The following CYP17A1 variants were observed in gnomAD, a reference collection of about 807,000 sequenced individuals.
The protein encoded by CYP17A1 is steroid 17-alpha-hydroxylase/17,20 lyase.
In CYP17A1, 27 loss-of-function variants were observed where a neutral mutation model predicts 38.5. That is an observed-to-expected ratio of 0.70 (90% CI 0.52 to 0.97). The LOEUF is 0.97. Among genes scored for constraint, CYP17A1 ranks in the 50% least tolerant of loss-of-function variants. The probability of loss-of-function intolerance (pLI) is 0.00; values close to 1 mark genes in which losing one functional copy is unlikely to be tolerated. For missense variants in CYP17A1, 549 were observed against 645.9 expected (o/e 0.85, Z 1.63); for synonymous variants, 263 against 253.3 (o/e 1.04, Z -0.36).
Position 102,834,077 on chromosome 10 carries a change from T to C in CYP17A1, c.712A>G (p.Ile238Val). The change falls in exon 4 of 8, where the codon ATA (isoleucine) becomes GTA (valine). Residue 238 changes from isoleucine to valine, a missense_variant. Physicochemically the swap from Ile to Val is conservative, Grantham distance 29. Coordinates refer to ENST00000369887, the MANE Select transcript of CYP17A1 (RefSeq NM_000102.4). ...ATTTTATTCAGCAGATCATTTCGTA[T>C]TTTAACATGGCTCTTTAATTTTTCC... ...TLEKLKSHVK[I>V]RNDLLNKILE... The C allele has an allele frequency of 7.4e-7, 1 of 1,343,432 alleles. No homozygotes were observed. The highest frequency in any genetic ancestry group is 1.1e-6 in the Non-Finnish European group (1 of 932,708). The allele number at this position is 1,343,432 out of a possible 1,614,324, so 83.2% of individuals were successfully genotyped here. A position where few individuals can be genotyped will look rare whatever the true frequency, so the allele number is the denominator to read the frequency against.
chr10:102,835,437 C>G (rs768102031), intron 1 of CYP17A1, 45 bp from the exon 2 acceptor site: 1 of 1,544,294 alleles, frequency 6.5e-7, no homozygotes, highest in South Asian at 1.1e-5. Flanking sequence ...ACCATCCACC[C>G]CACTCTTGCC....
rs370424014 is a variant in CYP17A1, at chr10:102,836,294, T to TA, written c.297+770dup. Among the ~76,000 whole-genome samples the TA allele has an allele frequency of 4.5e-3, 682 of 151,730 alleles. 6 individuals carry two copies. The highest frequency in any genetic ancestry group is 0.016 in the African/African-American group (668 of 41,370). ...TAACATGGTGAAACACCATCTCTAC[T>TA]AAAAATACAAAAAATTAGCGGGCAT... On this transcript the variant is annotated intron_variant, in intron 1 of 7. Transcript: ENST00000369887.
At chr10:102,831,015 G>A (rs1318444713) in intron 7 of CYP17A1, 30 bp from the exon 8 acceptor site, 1 of 1,484,574 alleles carries the variant, frequency 6.7e-7, no homozygotes, top group Non-Finnish European at 9.2e-7. Flanking sequence ...TCAGCCAGGG[G>A]TTAGGGCAGG....
rs1201120298 is a variant in CYP17A1 at position 102,835,196 on chromosome 10, C to T, written c.436+58G>A. The T allele has an allele frequency of 4.1e-5, 62 of 1,507,976 alleles. No individual in the cohort carries two copies. The highest frequency in any genetic ancestry group is 5.3e-5 in the Non-Finnish European group (58 of 1,085,600). The allele number at this position is 1,507,976 out of a possible 1,614,324, so 93.4% of individuals were successfully genotyped here. On this transcript the variant is annotated intron_variant, in intron 2 of 7. Coordinates refer to ENST00000369887, the MANE Select transcript of CYP17A1 (RefSeq NM_000102.4). Reference sequence around the variant, plus strand: ...CCTTACCCCTGCCCAACCCTCCTCTCCCTCCAGCAGCTCCTGTGGGATCCA... The same window carrying T: ...CCTTACCCCTGCCCAACCCTCCTCTTCCTCCAGCAGCTCCTGTGGGATCCA...
Position 102,830,700 on chromosome 10 carries a change from CT to C in CYP17A1, c.*1del. On this transcript the variant is annotated 3_prime_UTR_variant, in exon 8 of 8. Coordinates refer to ENST00000369887, the MANE Select transcript of CYP17A1 (RefSeq NM_000102.4). The surrounding 1 kb of genome is among the most constrained non-coding windows in gnomAD (Gnocchi z 4.1). ...GTGGACAGGGGCTGTGAGTTACAGC[CT>C]TTAGGTGCTACCCTCAGCCTGGGCT... The C allele has an allele frequency of 6.4e-7, 1 of 1,563,444 alleles. No homozygotes were observed. Among genetic ancestry groups the C allele is most frequent in the Non-Finnish European group, 8.8e-7 (1 of 1,138,152 alleles).
chr10:102,835,232 C>T, intron 2 of CYP17A1, 22 bp downstream of exon 2: 1 of 1,607,592 alleles, frequency 6.2e-7, no homozygotes, highest in Non-Finnish European at 8.5e-7. Context: ...GCCCCAGCCC[C>T]AGGGGCCAGC....
At position 102,835,378 on chromosome 10, in the gene CYP17A1, G is replaced by A. The variant is rs777937209; in HGVS notation, c.312C>T (p.Ile104=). ...CGATACCCTTACGGTTGTTGGACGC[G>A]ATGTCTAGAGTTGCCTTTAGAGAGC... ...SGRPQMATLD[I]ASNNRKGIAF... Residue 104 remains isoleucine, a synonymous_variant, in exon 2 of 8, where the codon ATC becomes ATT. Transcript: ENST00000369887. The A allele has an allele frequency of 9.3e-6, 15 of 1,612,422 alleles. No homozygotes were observed. Among genetic ancestry groups the A allele is most frequent in the Middle Eastern group, 1.6e-4 (1 of 6,082 alleles).
At chr10:102,834,687 G>A (rs1281189376) in intron 3 of CYP17A1, 98 bp downstream of exon 3, 2 of 1,560,022 alleles carry the variant, frequency 1.3e-6, no homozygotes, top group Non-Finnish European at 1.8e-6. Flanking sequence ...GGAAAAAGAT[G>A]GGTCATTGCG....
rs1325850215 is a variant in CYP17A1 at position 102,834,806 on chromosome 10, C to T, written c.645G>A (p.Val215=). The part of the protein sequence containing the change: ...IIDNLSKDSL[V]DLVPWLKIFP... ...TCACCTTCAACCAGGGGACTAGGTC[C>T]ACCAGGCTGTCTTTGCTCAGGTTGT... The change falls in exon 3 of 8, where the codon GTG becomes GTA. Residue 215 remains valine, a synonymous_variant. Coordinates refer to ENST00000369887, the MANE Select transcript of CYP17A1 (RefSeq NM_000102.4). 1.9e-6 allele frequency: 3 copies of T among 1,614,156 alleles called. No homozygotes were observed. Among genetic ancestry groups the T allele is most frequent in the South Asian group, 2.2e-5 (2 of 91,080 alleles).
Position 102,832,655 on chromosome 10 carries a change from A to G in CYP17A1, c.995T>C (p.Ile332Thr), listed in dbSNP as rs772804570. 13 of 1,607,898 alleles carry G rather than the reference A, an allele frequency of 8.1e-6. No homozygotes were observed. Among genetic ancestry groups the G allele is most frequent in the Admixed American group, 5.0e-5 (3 of 60,008 alleles). ...PQVKKKLYEEIDQNVGFSRTP... is the reference protein window; with the variant it reads ...PQVKKKLYEETDQNVGFSRTP... ...GCGGCTGAAACCCACATTCTGGTCA[A>G]TCTCCTCGTAGAGCTTCTTCTTCAC... The change falls in exon 6 of 8, where the codon ATT (isoleucine) becomes ACT (threonine). Residue 332 changes from isoleucine to threonine, a missense_variant. By Grantham distance (89) the Ile-to-Thr change is moderately conservative. Coordinates refer to ENST00000369887, the MANE Select transcript of CYP17A1 (RefSeq NM_000102.4).
At chr10:102,833,715 C>T (rs1415217361) in intron 4 of CYP17A1, 1 of 302,116 alleles carries the variant, frequency 3.3e-6, no homozygotes, top group Non-Finnish European at 6.3e-6. Context: ...CTTGGCCTCC[C>T]AAAATGTTGG....
At position 102,831,589 on chromosome 10, in the gene CYP17A1, T is replaced by C. The variant is rs1060499582; in HGVS notation, c.1162A>G (p.Lys388Glu). 6.2e-7 allele frequency: 1 copy of C among 1,613,830 alleles called. No individual in the cohort carries two copies. Among genetic ancestry groups the C allele is most frequent in the Admixed American group, 1.7e-5 (1 of 59,990 alleles). The change falls in exon 7 of 8, where the codon AAG (lysine) becomes GAG (glutamate). Residue 388 changes from lysine to glutamate, a missense_variant. Lys to Glu is a moderately conservative substitution (Grantham distance 56). This residue lies in a region of CYP17A1 where 257 missense variants were observed against 307.9 expected (regional missense o/e 0.83). Coordinates refer to ENST00000369887, the MANE Select transcript of CYP17A1 (RefSeq NM_000102.4). The stretch of plus-strand genomic sequence containing the variant: ...AGATTGATGATAACTTCTGTGCCCT[T>C]GTCCACAGCAAACTCACCGATGCTG... ...DSSIGEFAVD[K>E]GTEVIINLWA...
chr10:102,833,328 T>G, intron 4 of CYP17A1, 120 bp from the exon 5 acceptor site: 1 of 1,573,330 alleles, frequency 6.4e-7, no homozygotes, highest in Non-Finnish European at 8.6e-7. Flanking sequence ...GTAGAGCAAG[T>G]CTGGGCAGGA....
intron 3 of CYP17A1, 151 bp downstream of exon 3, chr10:102,834,634 A>T: frequency 1.9e-6 from 2 of 1,029,586 alleles, no homozygotes; most frequent in Non-Finnish European, 2.9e-6. Context: ...GAAATGGCAA[A>T]GGTTTTAAGT....
rs758294215 is a variant in CYP17A1 at position 102,830,789 on chromosome 10, G to T, written c.1440C>A (p.Pro480=). The part of the protein sequence containing the change: ...DGQLPSLEGI[P]KVVFLIDSFK... The stretch of plus-strand genomic sequence containing the variant: ...AAGAGTCGATCAGAAAGACCACCTT[G>T]GGGATGCCTTCCAGGGAGGGCAGCT... The change falls in exon 8 of 8, where the codon CCC becomes CCA. Residue 480 remains proline, a synonymous_variant. Coordinates refer to ENST00000369887, the MANE Select transcript of CYP17A1 (RefSeq NM_000102.4). This position sits in a 1 kb window ranked among gnomAD's most constrained non-coding sequence, Gnocchi z 4.1. The T allele has an allele frequency of 6.3e-7, 1 of 1,594,500 alleles. No individual in the cohort carries two copies.
At chr10:102,837,012 G>A in intron 1 of CYP17A1, 53 bp downstream of exon 1, 1 of 1,066,822 alleles carries the variant, frequency 9.4e-7, no homozygotes, top group Non-Finnish European at 1.5e-6. Flanking sequence ...CTGAAGACCT[G>A]AACAATCCCA....
intron 3 of CYP17A1, chr10:102,834,568 G>A (rs1018001021): frequency 6.3e-6 from 4 of 635,656 alleles, no homozygotes; most frequent in South Asian, 3.8e-5. Flanking sequence ...AGAAATGAAG[G>A]TCATTATCTG....
At chr10:102,835,187 C>T in intron 2 of CYP17A1, 67 bp downstream of exon 2, 1 of 1,448,598 alleles carries the variant, frequency 6.9e-7, no homozygotes, top group South Asian at 1.1e-5. Context: ...CCCTGCCCAA[C>T]CCTCCTCTCC....
chr10:102,831,262 TG>T (rs1293392790), intron 7 of CYP17A1, among the ~76,000 whole-genome samples: 11 of 152,212 alleles, frequency 7.2e-5, no homozygotes, highest in African/African-American at 2.4e-4. Context: ...ACAGACTTAA[TG>T]GCAGACAGAG....
Sources: gnomAD v4.1 joint callset for allele counts (sites outside exome capture counted in the v4.1 genomes callset) on GRCh38, gnomAD v4.1.1 for gene constraint, gnomAD v4.1.1 regional missense constraint, Gnocchi (gnomAD v3.1) non-coding constraint, MANE v1.5 for transcripts, NCBI Gene and HGNC (gene_info 2026-07-23, HGNC 2026-07-21) for gene names.